TUBGCP3: variants seen among roughly 807,000 people sequenced by gnomAD.
TUBGCP3 encodes the protein tubulin gamma complex component 3.
In TUBGCP3, 50 loss-of-function variants were observed where a neutral mutation model predicts 123.1. That is an observed-to-expected ratio of 0.41 (90% confidence interval 0.32 to 0.51). TUBGCP3 has a LOEUF of 0.51. Among genes scored for constraint, TUBGCP3 ranks in the 20% least tolerant of loss-of-function variants. The pLI is 0.36. For missense variants in TUBGCP3, 882 were observed against 1,127.0 expected (o/e 0.78, Z 3.11); for synonymous variants, 405 against 413.9 (o/e 0.98, Z 0.26).
chr13:112,589,793 T>G (rs1012863958), upstream of TUBGCP3, among the ~76,000 whole-genome samples: 2 of 152,142 alleles, frequency 1.3e-5, no homozygotes, highest in Non-Finnish European at 2.9e-5. Flanking sequence ...AGGGTGGCCA[T>G]AAACATATCT....
Position 112,511,827 on chromosome 13 carries a change from G to A in TUBGCP3, c.2086+4613C>T, listed in dbSNP as rs918970219. On this transcript the variant is annotated intron_variant, in intron 17 of 21. Coordinates refer to ENST00000261965, the MANE Select transcript of TUBGCP3 (RefSeq NM_006322.6). The surrounding 1 kb of genome is among the most constrained non-coding windows in gnomAD (Gnocchi z 4.1). ...AGGGAGGTTTGACTGTGGTATCTCCGAAGTGCCTTCTACTTGAAAGCTTTC... is the reference window on the plus strand; with the variant it reads ...AGGGAGGTTTGACTGTGGTATCTCCAAAGTGCCTTCTACTTGAAAGCTTTC... Among the ~76,000 whole-genome samples, 11 of 152,044 alleles carry A rather than the reference G, an allele frequency of 7.2e-5. No homozygotes were observed. Among genetic ancestry groups the A allele is most frequent in the Non-Finnish European group, 1.0e-4 (7 of 68,006 alleles).
intron 17 of TUBGCP3, 89 bp from the exon 18 acceptor site, chr13:112,504,803 T>C: frequency 9.4e-7 from 1 of 1,058,350 alleles, no homozygotes; most frequent in Non-Finnish European, 1.4e-6. Context: ...CAAGCTATCT[T>C]AAAACAAAAA....
At chr13:112,491,732 C>CA (rs1880114737) in intron 20 of TUBGCP3, among the ~76,000 whole-genome samples, 1 of 152,162 alleles carries the variant, frequency 6.6e-6, no homozygotes, top group African/African-American at 2.4e-5. Context: ...GCTATGCTCC[C>CA]ACCTCTGCCT....
chr13:112,551,988 A>G (rs1224545392), intron 8 of TUBGCP3, among the ~76,000 whole-genome samples: 4 of 152,192 alleles, frequency 2.6e-5, no homozygotes, highest in Non-Finnish European at 5.9e-5. Context: ...TGCACGGTTC[A>G]CAACAGGGAT....
chr13:112,570,704 G>A (rs564588153), intron 1 of TUBGCP3, among the ~76,000 whole-genome samples: 3 of 152,266 alleles, frequency 2.0e-5, no homozygotes, highest in Non-Finnish European at 2.9e-5. Context: ...TTACCACATC[G>A]ATTGACCCTT....
intron 13 of TUBGCP3, among the ~76,000 whole-genome samples, chr13:112,522,807 T>C (rs1227260212): frequency 6.6e-6 from 1 of 152,202 alleles, no homozygotes; most frequent in East Asian, 1.9e-4. Context: ...AACACACTGG[T>C]AATAGGGCAA....
upstream of TUBGCP3, among the ~76,000 whole-genome samples, chr13:112,590,061 C>G (rs146852674): frequency 1.3e-5 from 2 of 151,858 alleles, no homozygotes; most frequent in Admixed American, 1.3e-4. Context: ...GGCGTGAACT[C>G]CACCTCCTGG....
chr13:112,490,061 T>C (rs1879975941), intron 20 of TUBGCP3, among the ~76,000 whole-genome samples: 1 of 152,148 alleles, frequency 6.6e-6, no homozygotes, highest in African/African-American at 2.4e-5. Flanking sequence ...TGTGTGAAAG[T>C]GGAACCAGCT....
At chr13:112,495,007 C>T (rs546025594) in intron 20 of TUBGCP3, among the ~76,000 whole-genome samples, 5 of 152,258 alleles carry the variant, frequency 3.3e-5, no homozygotes, top group East Asian at 3.9e-4. Context: ...TATTTTCTCC[C>T]GTTCTCTGGG....
Position 112,519,396 on chromosome 13 carries a change from G to A in TUBGCP3, c.1882-353C>T, listed in dbSNP as rs915290759. On this transcript the variant is annotated intron_variant, in intron 15 of 21. Transcript: ENST00000261965. The surrounding 1 kb of genome is among the most constrained non-coding windows in gnomAD (Gnocchi z 6.2). ...ATATTTTAAGAAAACCAACCGTTCTGCTAATGATCTTCCATCACAACTAAG... is the reference window on the plus strand; with the variant it reads ...ATATTTTAAGAAAACCAACCGTTCTACTAATGATCTTCCATCACAACTAAG... 6.6e-6 allele frequency among the ~76,000 whole-genome samples: 1 copy of A among 152,130 alleles called. No homozygotes were observed. Among genetic ancestry groups the A allele is most frequent in the African/African-American group, 2.4e-5 (1 of 41,406 alleles).
In TUBGCP3 at chr13:112,519,879, G is replaced by A. The variant is rs370394985; in HGVS notation, c.1881+7C>T. On this transcript the variant is annotated splice_region_variant and intron_variant, in intron 15 of 21. Transcript: ENST00000261965. The surrounding 1 kb of genome is among the most constrained non-coding windows in gnomAD (Gnocchi z 6.2). ...GGCGGCGTTCCCAACACGCAGAGCC[G>A]CAGTACCTCCAGCAGCCGCACGTCC... 2.0e-5 allele frequency: 33 copies of A among 1,612,060 alleles called. No individual in the cohort carries two copies. Among genetic ancestry groups the A allele is most frequent in the East Asian group, 4.5e-5 (2 of 44,826 alleles).
At chr13:112,515,523 G>A (rs945635922) in intron 17 of TUBGCP3, among the ~76,000 whole-genome samples, 5 of 152,192 alleles carry the variant, frequency 3.3e-5, no homozygotes, top group Admixed American at 6.5e-5. Flanking sequence ...AGCCCCAGGC[G>A]TGCATGCAGC....
chr13:112,548,206 C>T lies in TUBGCP3; in HGVS notation c.967-30G>A, dbSNP rs112395802. 7.5e-3 allele frequency: 11,595 copies of T among 1,553,944 alleles called. 66 individuals carry two copies. The highest frequency in any genetic ancestry group is 8.8e-3 in the Non-Finnish European group (9,997 of 1,134,988). ...TTGGAGGAGAAATATAATTAAAGCA[C>T]GACACACTCATTACACATTGACTGA... is the stretch of plus-strand genomic sequence containing the variant. On this transcript the variant is annotated intron_variant, in intron 8 of 21. Transcript: ENST00000261965.
At chr13:112,597,881 G>A in the TUBGCP3 span, among the ~76,000 whole-genome samples, 3 of 152,134 alleles carry the variant, frequency 2.0e-5, no homozygotes, top group African/African-American at 7.2e-5. Flanking sequence ...AAATGTGTCA[G>A]AGACAATAAC....
chr13:112,527,301 T>C (rs1877213098), intron 12 of TUBGCP3, 73 bp downstream of exon 12: 2 of 1,139,818 alleles, frequency 1.8e-6, no homozygotes, highest in Middle Eastern at 5.8e-4. Flanking sequence ...TAACTGAAAA[T>C]TGGTTTTGTC....
intron 13 of TUBGCP3, among the ~76,000 whole-genome samples, chr13:112,526,571 A>G (rs1877127078): frequency 1.3e-5 from 2 of 149,016 alleles, no homozygotes; most frequent in African/African-American, 5.0e-5. Flanking sequence ...TCACATCACC[A>G]TAATCACACC....
At chr13:112,585,570 G>A in intron 1 of TUBGCP3, among the ~76,000 whole-genome samples, 1 of 151,860 alleles carries the variant, frequency 6.6e-6, no homozygotes, top group East Asian at 2.0e-4. Context: ...GTCAGGAGTT[G>A]GAGACCAGCC....
At chr13:112,569,353 CATCT>C in intron 1 of TUBGCP3, 94 bp from the exon 2 acceptor site, 2 of 1,080,112 alleles carry the variant, frequency 1.9e-6, no homozygotes, top group Non-Finnish European at 2.8e-6. Context: ...CTAGTAATAA[CATCT>C]ATCTTCCACC....
chr13:112,490,044 G>A (rs1347918475), intron 20 of TUBGCP3, among the ~76,000 whole-genome samples: 1 of 152,178 alleles, frequency 6.6e-6, no homozygotes, highest in African/African-American at 2.4e-5. Context: ...ATATAACAAA[G>A]ACAGTATGTG....
Sources: gnomAD v4.1 joint callset for allele counts (sites outside exome capture counted in the v4.1 genomes callset) on GRCh38, gnomAD v4.1.1 for gene constraint, Gnocchi (gnomAD v3.1) non-coding constraint, MANE v1.5 for transcripts, NCBI Gene and HGNC (gene_info 2026-07-23, HGNC 2026-07-21) for gene names.